Variants in ATP13A4 observed in about 807,000 individuals in gnomAD.
ATP13A4 encodes ATPase 13A4, also known as probable cation-transporting ATPase 13A4.
In ATP13A4, 114 loss-of-function variants were observed where a neutral mutation model predicts 142.5. That is an observed-to-expected ratio of 0.80 (90% confidence interval 0.69 to 0.93). The LOEUF (loss-of-function observed/expected upper bound fraction) is 0.93. Ranked by LOEUF, ATP13A4 falls within the 40% of genes least tolerant of loss-of-function variation. ATP13A4 has a pLI of 0.00. For synonymous variants in ATP13A4, 488 were observed against 514.8 expected (o/e 0.95, Z 0.70); for missense variants, 1,392 against 1,454.0 (o/e 0.96, Z 0.69).
rs141815903 is a variant in ATP13A4 at position 193,495,474 on chromosome 3, G to A, written c.382-2314C>T. 1.1e-4 allele frequency among the ~76,000 whole-genome samples: 17 copies of A among 152,018 alleles called. No individual in the cohort carries two copies. The East Asian group carries it at 3.3e-3, about 29-fold the overall frequency. On this transcript the variant is annotated intron_variant, in intron 3 of 29. Transcript: ENST00000342695. ...ACATAAAATATCACATTAACAGAATGACACACAAACACCATATGATCATTT... is the reference window on the plus strand; with the variant it reads ...ACATAAAATATCACATTAACAGAATAACACACAAACACCATATGATCATTT...
At chr3:193,585,374 C>T (rs1027877776) in intron 1 of ATP13A4, among the ~76,000 whole-genome samples, 3 of 152,076 alleles carry the variant, frequency 2.0e-5, no homozygotes, top group Non-Finnish European at 2.9e-5. Flanking sequence ...GAGCTGAGAT[C>T]GCGTCATTGC....
intron 2 of ATP13A4, among the ~76,000 whole-genome samples, chr3:193,504,275 T>A (rs1316434910): frequency 6.6e-6 from 1 of 152,116 alleles, no homozygotes; most frequent in African/African-American, 2.4e-5. Flanking sequence ...ACCGATCTGA[T>A]GATAGACATG....
intron 10 of ATP13A4, 24 bp downstream of exon 10, chr3:193,467,292 T>C (rs775240456): frequency 6.2e-7 from 1 of 1,613,558 alleles, no homozygotes; most frequent in Middle Eastern, 1.7e-4. Flanking sequence ...CCATTAAAAA[T>C]AAGAAAAAGG....
chr3:193,492,845 T>C, intron 5 of ATP13A4, 72 bp downstream of exon 5: 1 of 1,106,128 alleles, frequency 9.0e-7, no homozygotes, highest in Non-Finnish European at 1.4e-6. Context: ...AAGATAACTA[T>C]TTACTAGCTG....
chr3:193,516,226 C>A (rs1396552674), intron 1 of ATP13A4, among the ~76,000 whole-genome samples: 1 of 152,192 alleles, frequency 6.6e-6, no homozygotes, highest in Non-Finnish European at 1.5e-5. Flanking sequence ...ATAAAGATTA[C>A]ATTGCCAGGA....
chr3:193,549,676 T>G (rs957887301), intron 1 of ATP13A4, among the ~76,000 whole-genome samples: 4 of 151,956 alleles, frequency 2.6e-5, no homozygotes, highest in Admixed American at 1.3e-4. Flanking sequence ...CATAAAATAC[T>G]GGAAAATTAG....
intron 12 of ATP13A4, among the ~76,000 whole-genome samples, chr3:193,464,001 A>C (rs1271596960): frequency 1.3e-5 from 2 of 152,244 alleles, no homozygotes; most frequent in African/African-American, 4.8e-5. Context: ...TGATGGTTGC[A>C]GAACAGTGAG....
chr3:193,507,915 G>C (rs1045452967), intron 2 of ATP13A4, among the ~76,000 whole-genome samples: 7 of 152,186 alleles, frequency 4.6e-5, no homozygotes, highest in African/African-American at 1.4e-4. Context: ...TGCCTGTTAT[G>C]AATTGAGTTG....
At chr3:193,569,729 T>C (rs1239517756) in intron 2 of ATP13A4, among the ~76,000 whole-genome samples, 5 of 151,762 alleles carry the variant, frequency 3.3e-5, no homozygotes, top group African/African-American at 1.2e-4. Flanking sequence ...GCTGACAGGG[T>C]CTTGCTACGT....
At chr3:193,540,527 C>CA (rs11360543) in intron 1 of ATP13A4, among the ~76,000 whole-genome samples, 1,124 of 44,806 alleles carry the variant, frequency 0.025, 84 homozygotes, top group East Asian at 0.055. Flanking sequence ...GGCTCTCTGC[C>CA]AAAAAAAAAA....
intron 1 of ATP13A4, among the ~76,000 whole-genome samples, chr3:193,553,959 G>T (rs924899523): frequency 6.6e-6 from 1 of 152,110 alleles, no homozygotes; most frequent in African/African-American, 2.4e-5. Flanking sequence ...ATCATTACTG[G>T]CATAAAAGAC....
Position 193,470,878 on chromosome 3 carries a change from C to T in ATP13A4, c.924G>A (p.Val308=), listed in dbSNP as rs774185415. The T allele has an allele frequency of 6.2e-7, 1 of 1,613,992 alleles. No homozygotes were observed. Among genetic ancestry groups the T allele is most frequent in the East Asian group, 2.2e-5 (1 of 44,866 alleles). The change falls in exon 9 of 30, where the codon GTG becomes GTA. Residue 308 remains valine (V), a synonymous_variant. Coordinates refer to ENST00000342695, the MANE Select transcript of ATP13A4 (RefSeq NM_032279.4). ...DAVLIEGSCV[V]DEGMLTGESI... ...CTGTACCTGTCAGCATGCCTTCATC[C>T]ACCACACAGCTGCCTTCAATCAGAA...
At chr3:193,528,754 C>T (rs552912101) in intron 1 of ATP13A4, among the ~76,000 whole-genome samples, 2 of 152,196 alleles carry the variant, frequency 1.3e-5, no homozygotes, top group South Asian at 4.1e-4. Flanking sequence ...CAAATAAAAA[C>T]TTTATATTAC....
In ATP13A4 at chr3:193,457,542, C is replaced by A. The variant is rs73080865; in HGVS notation, c.1675-77G>T. On this transcript the variant is annotated intron_variant, in intron 14 of 29. Transcript: ENST00000342695. ...ACTGATGCTATGCTTGAACCCTCCC[C>A]TTGAGAAGATCCTCAGACCACCTCA... 11 of 1,360,548 alleles carry A rather than the reference C, an allele frequency of 8.1e-6. No homozygotes were observed. In the African/African-American group the frequency reaches 1.4e-4, roughly 18 times the overall value. The allele number at this position is 1,360,548 out of a possible 1,614,324, so 84.3% of individuals were successfully genotyped here.
At chr3:193,548,880 T>C (rs1432146540) in intron 1 of ATP13A4, among the ~76,000 whole-genome samples, 2 of 152,342 alleles carry the variant, frequency 1.3e-5, no homozygotes, top group East Asian at 3.9e-4. Flanking sequence ...TTTCCACTGC[T>C]AGTTTTTAGT....
intron 12 of ATP13A4, 40 bp downstream of exon 12, chr3:193,464,900 G>C (rs781564516): frequency 3.8e-6 from 6 of 1,593,806 alleles, no homozygotes; most frequent in Non-Finnish European, 4.3e-6. Context: ...TGACAGCAAT[G>C]GTAAAAATGA....
In ATP13A4 at chr3:193,538,956, C is replaced by T. The variant is rs537774493; in HGVS notation, c.60+15784G>A. Among the ~76,000 whole-genome samples, 10 of 148,550 alleles carry T rather than the reference C, an allele frequency of 6.7e-5. No homozygotes were observed. The East Asian group carries it at 2.0e-3, about 30-fold the overall frequency. ...GTGCCCCAAGCTGGAGCACGGCCTC[C>T]TCCGCCTCCCAGGTTCAAGCGATTC... is the stretch of plus-strand genomic sequence containing the variant. On this transcript the variant is annotated intron_variant, in intron 1 of 29. Transcript: ENST00000342695.
intron 2 of ATP13A4, among the ~76,000 whole-genome samples, chr3:193,506,163 G>A (rs1720851828): frequency 6.6e-6 from 1 of 152,136 alleles, no homozygotes; most frequent in African/African-American, 2.4e-5. Flanking sequence ...CAGCATCTTT[G>A]CCTGTAAATG....
At chr3:193,492,248 G>A (rs939314145) in intron 5 of ATP13A4, among the ~76,000 whole-genome samples, 1 of 152,092 alleles carries the variant, frequency 6.6e-6, no homozygotes, top group Non-Finnish European at 1.5e-5. Flanking sequence ...ATGGGGAAGG[G>A]GGAAGCATGT....
Sources: allele counts gnomAD v4.1 joint callset (sites outside exome capture counted in the v4.1 genomes callset), GRCh38; gene constraint gnomAD v4.1.1; transcripts MANE v1.5; gene names NCBI Gene and HGNC (gene_info 2026-07-23, HGNC 2026-07-21).